The following CNTNAP2 variants were observed in gnomAD, a reference collection of about 807,000 sequenced individuals.
CNTNAP2 encodes the protein contactin associated protein 2.
Under a neutral mutation model 155.2 loss-of-function variants are expected in CNTNAP2, and 98 were observed. The observed-to-expected ratio is 0.63, with a 90% CI of 0.54 to 0.75. The LOEUF (loss-of-function observed/expected upper bound fraction) is 0.75, where lower values mean the gene tolerates loss of function less well. Among genes scored for constraint, CNTNAP2 ranks in the 30% least tolerant of loss-of-function variants. The probability of loss-of-function intolerance (pLI) is 0.00; values close to 1 mark genes in which losing one functional copy is unlikely to be tolerated. For synonymous variants in CNTNAP2, 651 were observed against 631.2 expected, an observed-to-expected ratio of 1.03 and a Z score of -0.47; for missense variants, 1,727 against 1,688.1, an observed-to-expected ratio of 1.02 and a Z score of -0.40.
At chr7:147,381,622 C>A (rs1393228625) in intron 9 of CNTNAP2, among the ~76,000 whole-genome samples, 1 of 152,022 alleles carries the variant, frequency 6.6e-6, no homozygotes, top group African/African-American at 2.4e-5. Context: ...TTTATTGTGG[C>A]CCCTAGGCAA....
chr7:147,160,735 G>A (rs937467665), intron 8 of CNTNAP2, among the ~76,000 whole-genome samples: 1 of 152,018 alleles, frequency 6.6e-6, no homozygotes, highest in African/African-American at 2.4e-5. Context: ...TTGTTGTTGA[G>A]GATGTAATAT....
In CNTNAP2 at chr7:147,158,537, G is replaced by A. The variant is rs77983502; in HGVS notation, c.1348+26028G>A. 8.4e-3 allele frequency among the ~76,000 whole-genome samples: 1,273 copies of A among 152,158 alleles called. 18 individuals carry two copies. Among genetic ancestry groups the A allele is most frequent in the African/African-American group, 0.029 (1,215 of 41,548 alleles). ...ATCCCATCTTATTCAGCTGACCTGC[G>A]ATTCAGCACAATTAACCTGTTCATT... On this transcript the variant is annotated intron_variant, in intron 8 of 23. Transcript: ENST00000361727.
At chr7:146,520,252 C>A (rs915796057) in intron 1 of CNTNAP2, among the ~76,000 whole-genome samples, 19 of 148,448 alleles carry the variant, frequency 1.3e-4, no homozygotes, top group African/African-American at 4.4e-4. Context: ...TTAAATATTA[C>A]AGTATTCGGG....
At chr7:146,263,042 G>T (rs1799942574) in intron 1 of CNTNAP2, among the ~76,000 whole-genome samples, 1 of 152,166 alleles carries the variant, frequency 6.6e-6, no homozygotes, top group Admixed American at 6.5e-5. Flanking sequence ...GTTTTGGCCA[G>T]GCGTGGTGGC....
At chr7:147,111,736 C>T (rs527280030) in intron 5 of CNTNAP2, among the ~76,000 whole-genome samples, 10 of 151,882 alleles carry the variant, frequency 6.6e-5, no homozygotes, top group Admixed American at 2.0e-4. Flanking sequence ...TGTGTCTGTT[C>T]ATATCAGTAC....
chr7:148,238,127 G>A (rs1439791665), intron 20 of CNTNAP2, among the ~76,000 whole-genome samples: 3 of 152,170 alleles, frequency 2.0e-5, no homozygotes, highest in African/African-American at 4.8e-5. Context: ...GAGGCGGGTG[G>A]ATCATGATGT....
chr7:148,220,259 C>T (rs1416432916), intron 19 of CNTNAP2, among the ~76,000 whole-genome samples: 1 of 152,132 alleles, frequency 6.6e-6, no homozygotes, highest in Non-Finnish European at 1.5e-5. Context: ...CCTGCCACAA[C>T]GCCCGGCTAA....
At chr7:147,607,376 C>T (rs540209576) in intron 12 of CNTNAP2, among the ~76,000 whole-genome samples, 1 of 151,474 alleles carries the variant, frequency 6.6e-6, no homozygotes, top group Admixed American at 6.6e-5. Context: ...CATTTCCTTC[C>T]TTTCTCTTTC....
intron 1 of CNTNAP2, among the ~76,000 whole-genome samples, chr7:146,369,219 C>T (rs1477929479): frequency 6.6e-6 from 1 of 151,558 alleles, no homozygotes; most frequent in Non-Finnish European, 1.5e-5. Context: ...AAGAGGAAAA[C>T]AGCAAGAAGT....
intron 9 of CNTNAP2, among the ~76,000 whole-genome samples, chr7:147,346,628 G>A (rs1242040184): frequency 6.6e-6 from 1 of 152,176 alleles, no homozygotes; most frequent in Non-Finnish European, 1.5e-5. Flanking sequence ...AGAGTTGCAG[G>A]ATGTTCAGAT....
At chr7:148,402,379 T>C (rs1423559085) in intron 22 of CNTNAP2, among the ~76,000 whole-genome samples, 1 of 152,156 alleles carries the variant, frequency 6.6e-6, no homozygotes, top group East Asian at 1.9e-4. Flanking sequence ...CTCAGGATCA[T>C]GTCAGTACAT....
In CNTNAP2 at chr7:146,403,587, C is replaced by T. The variant is rs565551034; in HGVS notation, c.97+286614C>T. ...TAATGAGCTGAAATATTGCCTTTAG[C>T]CCTAATAAAGTATATTTTGGAAAAC... On this transcript the variant is annotated intron_variant, in intron 1 of 23. Transcript: ENST00000361727. Among the ~76,000 whole-genome samples the T allele has an allele frequency of 5.3e-5, 8 of 151,990 alleles. No homozygotes were observed. In the South Asian group the frequency reaches 1.7e-3, roughly 31 times the overall value.
At chr7:147,417,037 C>T (rs749954898) in intron 10 of CNTNAP2, among the ~76,000 whole-genome samples, 8 of 150,494 alleles carry the variant, frequency 5.3e-5, no homozygotes, top group Admixed American at 1.3e-4. Flanking sequence ...TGCAGTGAGC[C>T]GAGATTGCGC....
intron 1 of CNTNAP2, among the ~76,000 whole-genome samples, chr7:146,207,676 A>G (rs1798969439): frequency 6.7e-6 from 1 of 149,876 alleles, no homozygotes; most frequent in Non-Finnish European, 1.5e-5. Flanking sequence ...TTCATGAAAC[A>G]AACATTTTTT....
chr7:147,867,777 G>A (rs376454608), intron 13 of CNTNAP2, among the ~76,000 whole-genome samples: 4 of 152,000 alleles, frequency 2.6e-5, no homozygotes, highest in East Asian at 1.9e-4. Context: ...CAAAGTTCGC[G>A]TGCCATGGTT....
intron 3 of CNTNAP2, among the ~76,000 whole-genome samples, chr7:147,032,585 T>C (rs1296107834): frequency 6.6e-6 from 1 of 152,090 alleles, no homozygotes; most frequent in Non-Finnish European, 1.5e-5. Context: ...TTTCTTTCTA[T>C]ACTGAAATGT....
intron 13 of CNTNAP2, among the ~76,000 whole-genome samples, chr7:147,879,372 A>G (rs1401022024): frequency 6.6e-6 from 1 of 152,170 alleles, no homozygotes; most frequent in African/African-American, 2.4e-5. Context: ...TCAAGCAAGT[A>G]TTTGCTCTGA....
At chr7:146,832,729 A>G (rs1803538195) in intron 2 of CNTNAP2, among the ~76,000 whole-genome samples, 1 of 151,362 alleles carries the variant, frequency 6.6e-6, no homozygotes, top group Admixed American at 6.6e-5. Flanking sequence ...CTCACTAATT[A>G]TTTCTTTTCA....
At chr7:146,826,647 G>A (rs550450764) in intron 2 of CNTNAP2, among the ~76,000 whole-genome samples, 1 of 152,102 alleles carries the variant, frequency 6.6e-6, no homozygotes, top group African/African-American at 2.4e-5. Context: ...GATAACTGGA[G>A]CCCGGTAAAA....
Sources: gnomAD v4.1 joint callset for allele counts (sites outside exome capture counted in the v4.1 genomes callset) on GRCh38, gnomAD v4.1.1 for gene constraint, MANE v1.5 for transcripts, NCBI Gene and HGNC (gene_info 2026-07-23, HGNC 2026-07-21) for gene names.